The following DOCK4 variants were observed in gnomAD, a reference collection of about 807,000 sequenced individuals.
The protein encoded by DOCK4 is dedicator of cytokinesis protein 4.
A neutral mutation model predicts 268.1 loss-of-function variants in DOCK4; 97 were observed. The ratio of observed to expected loss-of-function variants is 0.36; its 90% CI spans 0.31 to 0.43. The LOEUF (loss-of-function observed/expected upper bound fraction) is 0.43. Among genes scored for constraint, DOCK4 ranks in the 20% least tolerant of loss-of-function variants. DOCK4 has a pLI of 1.00. For synonymous variants in DOCK4, 954 were observed against 887.2 expected, an observed-to-expected ratio of 1.08 and a Z score of -1.34; for missense variants, 2,145 against 2,455.7, an observed-to-expected ratio of 0.87 and a Z score of 2.67.
chr7:111,797,701 T>C (rs1563519027), intron 30 of DOCK4, among the ~76,000 whole-genome samples: 1 of 152,162 alleles, frequency 6.6e-6, no homozygotes, highest in Non-Finnish European at 1.5e-5. Context: ...TTTAATATGA[T>C]TTTAGAAGGC....
At chr7:112,071,358 C>A (rs1807566453) in intron 1 of DOCK4, among the ~76,000 whole-genome samples, 1 of 152,062 alleles carries the variant, frequency 6.6e-6, no homozygotes, top group Admixed American at 6.6e-5. Flanking sequence ...CATGTATATT[C>A]CACAGCACCT....
intron 1 of DOCK4, among the ~76,000 whole-genome samples, chr7:112,055,414 A>G (rs1176250295): frequency 6.6e-6 from 1 of 152,210 alleles, no homozygotes; most frequent in Non-Finnish European, 1.5e-5. Flanking sequence ...CCTATCATGC[A>G]CATCACTGAG....
intron 30 of DOCK4, chr7:111,807,803 T>G (rs1267159984): frequency 6.6e-6 from 1 of 152,064 alleles, no homozygotes; most frequent in Non-Finnish European, 1.5e-5. Flanking sequence ...TTTTTATTTT[T>G]TCTGAAATCA....
rs989896699 is a variant in DOCK4, at chr7:111,872,611, T to C, written c.1745-47A>G. 4 of 1,461,878 alleles carry C rather than the reference T, an allele frequency of 2.7e-6. No individual in the cohort carries two copies. In the African/African-American group the frequency reaches 4.3e-5, roughly 16 times the overall value. 90.6% of individuals were successfully genotyped at this position (1,461,878 alleles called of 1,614,324 possible). ...ATTAATTGCCTTAATAGAGAACAGG[T>C]CCTCACATGAAAGCGTTCTGCTAGT... is the stretch of plus-strand genomic sequence containing the variant. On this transcript the variant is annotated intron_variant, in intron 17 of 52. Coordinates refer to ENST00000428084, the MANE Select transcript of DOCK4 (RefSeq NM_001363540.2).
chr7:112,156,193 C>T (rs1035985599), intron 1 of DOCK4, among the ~76,000 whole-genome samples: 4 of 152,170 alleles, frequency 2.6e-5, no homozygotes, highest in African/African-American at 9.6e-5. Context: ...CAACACCAAA[C>T]TCTCAGGATG....
chr7:112,132,827 T>C (rs1813931674), intron 1 of DOCK4, among the ~76,000 whole-genome samples: 1 of 152,182 alleles, frequency 6.6e-6, no homozygotes. Context: ...CTTGGGCACC[T>C]GGCCCACAGC....
chr7:111,867,959 T>C (rs780134657), intron 22 of DOCK4, 25 bp downstream of exon 22: 9 of 1,547,594 alleles, frequency 5.8e-6, no homozygotes, highest in Non-Finnish European at 7.8e-6. Context: ...TTTTCTTCTA[T>C]TCAGCATAGA....
chr7:112,062,279 C>T (rs1806488270), intron 1 of DOCK4, among the ~76,000 whole-genome samples: 1 of 152,062 alleles, frequency 6.6e-6, no homozygotes, highest in Non-Finnish European at 1.5e-5. Flanking sequence ...TCAAGAAAAG[C>T]ACAGCGATTT....
intron 13 of DOCK4, among the ~76,000 whole-genome samples, chr7:111,908,218 G>A (rs1359732747): frequency 1.3e-5 from 2 of 152,128 alleles, no homozygotes; most frequent in African/African-American, 2.4e-5. Flanking sequence ...GGAGGCTGAG[G>A]CAGGCAGATC....
chr7:112,033,995 T>C (rs144996939), intron 1 of DOCK4, among the ~76,000 whole-genome samples: 1 of 152,336 alleles, frequency 6.6e-6, no homozygotes, highest in East Asian at 1.9e-4. Context: ...GCTAATCCAT[T>C]GTGCTTTTGA....
chr7:111,781,605 T>C (rs1798787297), intron 35 of DOCK4, among the ~76,000 whole-genome samples: 1 of 152,068 alleles, frequency 6.6e-6, no homozygotes, highest in Non-Finnish European at 1.5e-5. Context: ...TTTTAGGGAC[T>C]GATATTGGAG....
At chr7:111,976,161 A>ATATATATATAT (rs58020083) in intron 8 of DOCK4, among the ~76,000 whole-genome samples, 2 of 34,014 alleles carry the variant, frequency 5.9e-5, no homozygotes, top group Admixed American at 5.1e-4. Flanking sequence ...AAAAAAAAAA[A>ATATATATATAT]ATATATATAT....
At chr7:112,140,513 C>A (rs1196874200) in intron 1 of DOCK4, among the ~76,000 whole-genome samples, 8 of 151,578 alleles carry the variant, frequency 5.3e-5, no homozygotes, top group Non-Finnish European at 1.2e-4. Flanking sequence ...GGAAACAAAC[C>A]ACATTTCAGT....
intron 1 of DOCK4, 126 bp downstream of exon 1, chr7:112,205,976 C>T: frequency 9.1e-7 from 1 of 1,093,252 alleles, no homozygotes; most frequent in East Asian, 2.6e-5. Flanking sequence ...AGCCCCGTAC[C>T]AGCTGCGCGA....
At chr7:111,789,415 G>A (rs1167943655) in intron 31 of DOCK4, among the ~76,000 whole-genome samples, 1 of 152,120 alleles carries the variant, frequency 6.6e-6, no homozygotes, top group Non-Finnish European at 1.5e-5. Context: ...ATCTGAGGCA[G>A]AAGAGACAGA....
intron 1 of DOCK4, among the ~76,000 whole-genome samples, chr7:112,204,087 T>C (rs1232582891): frequency 6.6e-6 from 1 of 152,070 alleles, no homozygotes; most frequent in East Asian, 1.9e-4. Context: ...TGCAATCAAA[T>C]CACAACCACC....
intron 31 of DOCK4, among the ~76,000 whole-genome samples, chr7:111,790,189 C>G (rs1031287842): frequency 1.3e-5 from 2 of 152,048 alleles, no homozygotes; most frequent in African/African-American, 2.4e-5. Context: ...AAAGTCTCTG[C>G]AAGTTCTTAA....
At chr7:111,940,293 C>T (rs1795106831) in intron 10 of DOCK4, 51 bp from the exon 11 acceptor site, 3 of 1,609,752 alleles carry the variant, frequency 1.9e-6, no homozygotes, top group Non-Finnish European at 2.5e-6. Flanking sequence ...TGATTAGATG[C>T]ATCTTAGGTA....
At chr7:111,917,985 G>A (rs986207515) in intron 12 of DOCK4, among the ~76,000 whole-genome samples, 1 of 152,112 alleles carries the variant, frequency 6.6e-6, no homozygotes, top group Non-Finnish European at 1.5e-5. Context: ...TTCAATAATA[G>A]AGCAAACAAA....
Sources: allele counts gnomAD v4.1 joint callset (sites outside exome capture counted in the v4.1 genomes callset), GRCh38; gene constraint gnomAD v4.1.1; transcripts MANE v1.5; gene names NCBI Gene and HGNC (gene_info 2026-07-23, HGNC 2026-07-21).